PPP1R37: variants seen among roughly 807,000 people sequenced by gnomAD.
PPP1R37 encodes protein phosphatase 1 regulatory subunit 37.
PPP1R37 carries 21 observed loss-of-function variants against 61.0 expected under a neutral mutation model. That is an observed-to-expected ratio of 0.34 (90% CI 0.24 to 0.50). PPP1R37 has a LOEUF of 0.50. PPP1R37 is among the 20% of genes least tolerant of loss of function. The probability of loss-of-function intolerance (pLI) is 0.98; values close to 1 mark genes in which losing one functional copy is unlikely to be tolerated. For missense variants in PPP1R37, 910 were observed against 952.7 expected, an observed-to-expected ratio of 0.96 and a Z score of 0.59; for synonymous variants, 443 against 433.5, an observed-to-expected ratio of 1.02 and a Z score of -0.27.
intron 1 of PPP1R37, among the ~76,000 whole-genome samples, 194 bp downstream of exon 1, chr19:45,093,721 T>C (rs1967954720): frequency 1.3e-5 from 2 of 152,144 alleles, no homozygotes; most frequent in South Asian, 4.1e-4. Context: ...AAGTATCTGG[T>C]TTCTGCCGCA....
chr19:45,143,751 A>G (rs1282782666), intron 8 of PPP1R37, 118 bp downstream of exon 8: 1 of 592,752 alleles, frequency 1.7e-6, no homozygotes, highest in Non-Finnish European at 3.0e-6. Flanking sequence ...TGCAGGTTCA[A>G]GACGATTTAA....
chr19:45,143,497 GCT>G, intron 7 of PPP1R37, 22 bp from the exon 8 acceptor site: 2 of 1,437,020 alleles, frequency 1.4e-6, no homozygotes, highest in East Asian at 4.9e-5. Context: ...CCCAGACAGG[GCT>G]CTGACTGCCG....
At chr19:45,120,014 C>CTTTTTTTTTTTTTTTTT (rs11312138) in intron 1 of PPP1R37, among the ~76,000 whole-genome samples, 2 of 83,602 alleles carry the variant, frequency 2.4e-5, no homozygotes, top group African/African-American at 4.9e-5. Flanking sequence ...TTTTCCCCTT[C>CTTTTTTTTTTTTTTTTT]TTTTTTTTTT....
At chr19:45,140,827 G>A (rs1441967410) in intron 4 of PPP1R37, among the ~76,000 whole-genome samples, 3 of 152,186 alleles carry the variant, frequency 2.0e-5, no homozygotes, top group African/African-American at 7.2e-5. Context: ...TCATAAGCAA[G>A]GAGAGCCTTA....
chr19:45,100,950 C>T (rs1968055306), intron 1 of PPP1R37, among the ~76,000 whole-genome samples: 2 of 152,184 alleles, frequency 1.3e-5, no homozygotes, highest in South Asian at 2.1e-4. Flanking sequence ...GATAGGCGCT[C>T]AATATATTCT....
intron 1 of PPP1R37, among the ~76,000 whole-genome samples, chr19:45,116,431 C>T (rs766855711): frequency 6.6e-5 from 10 of 152,212 alleles, no homozygotes; most frequent in East Asian, 1.9e-4. Context: ...CATGTGGCCA[C>T]GGTACCCACT....
At position 45,146,062 on chromosome 19, in the gene PPP1R37, C is replaced by A; in HGVS notation, c.1993+13C>A. Reference sequence around the variant, plus strand: ...GGCCTGGAGCACGGTGAGAGGGGCCCTAGGGCAGGTGTTGAGGGGCCCTGG... The same window carrying A: ...GGCCTGGAGCACGGTGAGAGGGGCCATAGGGCAGGTGTTGAGGGGCCCTGG... On this transcript the variant is annotated intron_variant, in intron 11 of 12. Transcript: ENST00000221462. 1 of 1,516,792 alleles carries A rather than the reference C, an allele frequency of 6.6e-7. No individual in the cohort carries two copies. The highest frequency in any genetic ancestry group is 1.2e-5 in the South Asian group (1 of 82,032). The allele number at this position is 1,516,792 out of a possible 1,614,324, so 94.0% of individuals were successfully genotyped here.
At chr19:45,132,467 A>T (rs912404111) in intron 1 of PPP1R37, among the ~76,000 whole-genome samples, 2 of 151,812 alleles carry the variant, frequency 1.3e-5, no homozygotes, top group African/African-American at 4.8e-5. Flanking sequence ...TAATTTTTGT[A>T]TTTTTTGTTT....
chr19:45,139,041 G>A (rs1406659328), intron 2 of PPP1R37, among the ~76,000 whole-genome samples: 11 of 147,894 alleles, frequency 7.4e-5, no homozygotes, highest in Non-Finnish European at 1.6e-4. Context: ...AGCCTCCCAA[G>A]TAGCTGGGAT....
intron 1 of PPP1R37, among the ~76,000 whole-genome samples, chr19:45,124,966 C>T (rs1968385672): frequency 1.3e-5 from 2 of 151,602 alleles, no homozygotes; most frequent in Non-Finnish European, 2.9e-5. Flanking sequence ...TGGGGACCCC[C>T]CAAAAAATAG....
At chr19:45,126,422 T>C (rs1968405390) in intron 1 of PPP1R37, among the ~76,000 whole-genome samples, 1 of 152,146 alleles carries the variant, frequency 6.6e-6, no homozygotes, top group African/African-American at 2.4e-5. Context: ...TGCTCTGTGC[T>C]GTTGGCGACG....
chr19:45,115,116 C>T (rs1968249328), intron 1 of PPP1R37, among the ~76,000 whole-genome samples: 1 of 152,154 alleles, frequency 6.6e-6, no homozygotes, highest in Non-Finnish European at 1.5e-5. Flanking sequence ...CAAGGCAAGC[C>T]CGGCCCTGCC....
At chr19:45,140,102 G>A (rs1394271128) in intron 2 of PPP1R37, 134 bp from the exon 3 acceptor site, 24 of 713,566 alleles carry the variant, frequency 3.4e-5, no homozygotes, top group Non-Finnish European at 7.1e-6. Flanking sequence ...GGTGGCCTCT[G>A]AGCCTCTGTT....
At chr19:45,103,344 G>C (rs1056553923) in intron 1 of PPP1R37, among the ~76,000 whole-genome samples, 1 of 152,232 alleles carries the variant, frequency 6.6e-6, no homozygotes, top group Non-Finnish European at 1.5e-5. Context: ...TGGGTCGGGA[G>C]CCCTGCAGTC....
In PPP1R37 at chr19:45,142,451, A is replaced by G. The variant is rs2122756220; in HGVS notation, c.867A>G (p.Leu289=). The change falls in exon 7 of 13, where the codon CTA becomes CTG. Residue 289 remains leucine (L), a synonymous_variant. Coordinates refer to ENST00000221462, the MANE Select transcript of PPP1R37 (RefSeq NM_019121.2). The stretch of plus-strand genomic sequence containing the variant: ...TGGACCTCCGGAACAACCACGTGCT[A>G]GACTCGGGTGGGTGCAGTGGCCCAC... ...QILDLRNNHV[L]DSGLAYICEG... 1 of 1,535,980 alleles carries G rather than the reference A, an allele frequency of 6.5e-7. No homozygotes were observed.
intron 1 of PPP1R37, among the ~76,000 whole-genome samples, chr19:45,111,318 A>G (rs1452397150): frequency 6.6e-6 from 1 of 151,934 alleles, no homozygotes; most frequent in Non-Finnish European, 1.5e-5. Context: ...TCTGTCACCC[A>G]GGCTGGAGTG....
chr19:45,101,702 A>C (rs994709252), intron 1 of PPP1R37, among the ~76,000 whole-genome samples: 1 of 146,218 alleles, frequency 6.8e-6, no homozygotes, highest in Non-Finnish European at 1.5e-5. Flanking sequence ...TATGTGACAG[A>C]GTGAGACCCT....
chr19:45,120,761 C>T (rs751768238), intron 1 of PPP1R37, among the ~76,000 whole-genome samples: 6 of 152,096 alleles, frequency 3.9e-5, no homozygotes, highest in Non-Finnish European at 7.4e-5. Flanking sequence ...TATAGGCACC[C>T]GCTACCACAC....
At chr19:45,128,569 T>G (rs146317330) in intron 1 of PPP1R37, 1 of 1,263,692 alleles carries the variant, frequency 7.9e-7, no homozygotes, top group African/African-American at 1.5e-5. Context: ...CCTCTTAAAA[T>G]GGCAGATGAT....
Sources: allele counts gnomAD v4.1 joint callset (sites outside exome capture counted in the v4.1 genomes callset), GRCh38; gene constraint gnomAD v4.1.1; transcripts MANE v1.5; gene names NCBI Gene and HGNC (gene_info 2026-07-23, HGNC 2026-07-21).